LDB2: variants seen among roughly 807,000 people sequenced by gnomAD.
LDB2 encodes the protein LIM domain-binding protein 2.
Under a neutral mutation model 44.3 loss-of-function variants are expected in LDB2, and 12 were observed. The ratio of observed to expected loss-of-function variants is 0.27; its 90% CI spans 0.17 to 0.44. The LOEUF (loss-of-function observed/expected upper bound fraction) is 0.44. LDB2 is among the 20% of genes least tolerant of loss of function. The pLI is 1.00. For synonymous variants in LDB2, 164 were observed against 174.8 expected, an observed-to-expected ratio of 0.94 and a Z score of 0.49; for missense variants, 344 against 473.5, an observed-to-expected ratio of 0.73 and a Z score of 2.54.
At chr4:16,578,648 T>G (rs1394662592) in intron 5 of LDB2, among the ~76,000 whole-genome samples, 3 of 151,918 alleles carry the variant, frequency 2.0e-5, no homozygotes, top group Admixed American at 6.6e-5. Flanking sequence ...AGTTTGGAGG[T>G]TCTTCAAAAA....
intron 2 of LDB2, among the ~76,000 whole-genome samples, chr4:16,668,197 G>A (rs560094426): frequency 2.6e-5 from 4 of 152,156 alleles, no homozygotes; most frequent in Admixed American, 1.3e-4. Context: ...TGTAAAATAT[G>A]TTTATTACTG....
chr4:16,679,118 C>A (rs1747123022), intron 2 of LDB2, among the ~76,000 whole-genome samples: 1 of 152,262 alleles, frequency 6.6e-6, no homozygotes, highest in African/African-American at 2.4e-5. Flanking sequence ...ATAAACGGTG[C>A]AAATGTAATC....
intron 2 of LDB2, among the ~76,000 whole-genome samples, chr4:16,650,497 T>C (rs1045776104): frequency 6.6e-6 from 1 of 152,220 alleles, no homozygotes; most frequent in Non-Finnish European, 1.5e-5. Context: ...TTATAAGATA[T>C]ACAGTCATTT....
At chr4:16,522,283 T>TGC (rs774611505) in intron 5 of LDB2, among the ~76,000 whole-genome samples, 39 of 150,588 alleles carry the variant, frequency 2.6e-4, no homozygotes, top group Middle Eastern at 3.4e-3. Flanking sequence ...TGTTTGTGTG[T>TGC]GTGTGTGTGT....
chr4:16,520,698 A>C (rs191537368), intron 5 of LDB2, among the ~76,000 whole-genome samples: 1 of 152,180 alleles, frequency 6.6e-6, no homozygotes, highest in Non-Finnish European at 1.5e-5. Context: ...CTTCTTCCAG[A>C]GTGATCTTTC....
In LDB2 at chr4:16,870,467, C is replaced by T. The variant is rs138331339; in HGVS notation, c.132+27887G>A. Among the ~76,000 whole-genome samples, 920 of 151,878 alleles carry T rather than the reference C, an allele frequency of 6.1e-3. 9 individuals carry two copies. Among genetic ancestry groups the T allele is most frequent in the African/African-American group, 0.021 (885 of 41,394 alleles). On this transcript the variant is annotated intron_variant, in intron 1 of 7. Transcript: ENST00000304523. ...TGCTGAAGGGGTGTGTATGTGTGGC[C>T]TTACCCAGAGCATATGGGGACCTGC...
chr4:16,532,480 A>G (rs1730476868), intron 5 of LDB2, among the ~76,000 whole-genome samples: 1 of 152,234 alleles, frequency 6.6e-6, no homozygotes, highest in Non-Finnish European at 1.5e-5. Flanking sequence ...CCGCTTACAA[A>G]GGAATGATTA....
At chr4:16,766,455 T>C (rs2313972) in intron 1 of LDB2, among the ~76,000 whole-genome samples, 40 of 130,698 alleles carry the variant, frequency 3.1e-4, no homozygotes, top group Non-Finnish European at 6.3e-4. Context: ...TGTATATATA[T>C]ACACACACAT....
At chr4:16,777,528 T>G (rs1299550243) in intron 1 of LDB2, among the ~76,000 whole-genome samples, 2 of 152,084 alleles carry the variant, frequency 1.3e-5, no homozygotes, top group Non-Finnish European at 1.5e-5. Flanking sequence ...TGCAGGACCT[T>G]GCAAAGCCAA....
chr4:16,869,859 A>C (rs75235973), intron 1 of LDB2, among the ~76,000 whole-genome samples: 62 of 152,326 alleles, frequency 4.1e-4, no homozygotes, highest in African/African-American at 1.4e-3. Flanking sequence ...TTTAGGTTGC[A>C]AATTTGGAAG....
intron 2 of LDB2, among the ~76,000 whole-genome samples, chr4:16,755,664 C>T (rs572970252): frequency 6.6e-5 from 10 of 152,164 alleles, no homozygotes; most frequent in African/African-American, 2.2e-4. Flanking sequence ...TAGAAAGGAC[C>T]GTTTTTAGCC....
rs190811016 is a variant in LDB2 at position 16,652,250 on chromosome 4, C to A, written c.236-56375G>T. Among the ~76,000 whole-genome samples the A allele has an allele frequency of 1.2e-4, 18 of 152,260 alleles. 1 individual carries two copies. Among genetic ancestry groups the A allele is most frequent in the Admixed American group, 6.5e-4 (10 of 15,294 alleles). ...GTGTGAGCTACCATGCCAACCTGTA[C>A]TTTACTTTTTAAAGTAAAAAAGAGT... is the stretch of plus-strand genomic sequence containing the variant. On this transcript the variant is annotated intron_variant, in intron 2 of 7. Transcript: ENST00000304523.
At chr4:16,860,021 A>G (rs559516135) in intron 1 of LDB2, among the ~76,000 whole-genome samples, 1 of 152,332 alleles carries the variant, frequency 6.6e-6, no homozygotes, top group Non-Finnish European at 1.5e-5. Context: ...ATAGAATTCA[A>G]AGACCCAAAA....
chr4:16,655,240 C>T (rs1374432230), intron 2 of LDB2, among the ~76,000 whole-genome samples: 1 of 152,130 alleles, frequency 6.6e-6, no homozygotes, highest in Non-Finnish European at 1.5e-5. Flanking sequence ...GAGGGTCTTC[C>T]ATCAGCAGCA....
chr4:16,772,699 C>T (rs1269892047), intron 1 of LDB2, among the ~76,000 whole-genome samples: 2 of 152,132 alleles, frequency 1.3e-5, no homozygotes, highest in Non-Finnish European at 2.9e-5. Context: ...AAAAATTGCT[C>T]ACCATAGGAG....
At chr4:16,852,090 C>T (rs1039736023) in intron 1 of LDB2, among the ~76,000 whole-genome samples, 2 of 152,142 alleles carry the variant, frequency 1.3e-5, no homozygotes, top group Admixed American at 6.5e-5. Context: ...TCAGACAAGA[C>T]TCATTTCCTC....
chr4:16,616,668 A>G (rs1315528621), intron 2 of LDB2, among the ~76,000 whole-genome samples: 2 of 121,816 alleles, frequency 1.6e-5, no homozygotes, highest in Non-Finnish European at 3.4e-5. Flanking sequence ...GTGCTGTATG[A>G]CTCTGCATTT....
intron 2 of LDB2, among the ~76,000 whole-genome samples, chr4:16,608,946 G>C (rs1358960895): frequency 6.6e-6 from 1 of 152,112 alleles, no homozygotes. Context: ...AAGAAGGTCT[G>C]GGGGGCGGGG....
At chr4:16,817,060 T>C (rs1404063201) in intron 1 of LDB2, among the ~76,000 whole-genome samples, 4 of 152,186 alleles carry the variant, frequency 2.6e-5, no homozygotes, top group African/African-American at 9.7e-5. Context: ...GAACAGGCCC[T>C]GTGAAGGAGT....
Sources: allele counts gnomAD v4.1 joint callset (sites outside exome capture counted in the v4.1 genomes callset), GRCh38; gene constraint gnomAD v4.1.1; transcripts MANE v1.5; gene names NCBI Gene and HGNC (gene_info 2026-07-23, HGNC 2026-07-21).